Variants in CNTLN observed in about 807,000 individuals in gnomAD.
CNTLN encodes the protein centlein, centrosomal protein.
In CNTLN, 212 loss-of-function variants were observed where a neutral mutation model predicts 180.0. The observed-to-expected ratio is 1.18, with a 90% CI of 1.05 to 1.32. The LOEUF (loss-of-function observed/expected upper bound fraction) is 1.32, where lower values mean the gene tolerates loss of function less well. Among genes scored for constraint, CNTLN ranks in the 40% most tolerant of loss-of-function variants. The pLI is 0.00. For missense variants in CNTLN, 2,095 were observed against 1,610.9 expected, an observed-to-expected ratio of 1.30 and a Z score of -5.14; for synonymous variants, 722 against 563.1, an observed-to-expected ratio of 1.28 and a Z score of -3.99.
At chr9:17,327,549 G>A (rs1820387721) in intron 8 of CNTLN, among the ~76,000 whole-genome samples, 1 of 149,550 alleles carries the variant, frequency 6.7e-6, no homozygotes, top group South Asian at 2.1e-4. Context: ...TAGGAACTTT[G>A]AGGGATGAGA....
At chr9:17,284,095 C>T (rs965137578) in intron 6 of CNTLN, among the ~76,000 whole-genome samples, 3 of 152,122 alleles carry the variant, frequency 2.0e-5, no homozygotes, top group Non-Finnish European at 4.4e-5. Context: ...GACCTTGGCT[C>T]ACTGCAACCT....
At chr9:17,208,533 T>C (rs1022336419) in intron 2 of CNTLN, among the ~76,000 whole-genome samples, 25 of 152,202 alleles carry the variant, frequency 1.6e-4, no homozygotes, top group African/African-American at 5.8e-4. Context: ...CTACTTTAAA[T>C]ATGATTGGTA....
intron 10 of CNTLN, among the ~76,000 whole-genome samples, chr9:17,337,726 C>T (rs1041861228): frequency 6.6e-6 from 1 of 152,106 alleles, no homozygotes; most frequent in Non-Finnish European, 1.5e-5. Context: ...TGAGGCAGTA[C>T]TGAAAAATCC....
intron 10 of CNTLN, among the ~76,000 whole-genome samples, chr9:17,337,068 A>G (rs1821096470): frequency 6.6e-6 from 1 of 152,078 alleles, no homozygotes; most frequent in Non-Finnish European, 1.5e-5. Context: ...AGTGATGATG[A>G]GCTTTTTTTC....
intron 2 of CNTLN, among the ~76,000 whole-genome samples, chr9:17,178,188 A>C (rs112508786): frequency 0.016 from 2,445 of 152,160 alleles, 54 homozygotes; most frequent in African/African-American, 0.056. Context: ...CGGAGTGTCG[A>C]TTGGTGCATT....
At chr9:17,443,746 C>G (rs902823036) in intron 18 of CNTLN, among the ~76,000 whole-genome samples, 2 of 151,928 alleles carry the variant, frequency 1.3e-5, no homozygotes, top group Non-Finnish European at 2.9e-5. Context: ...ATGTCATTAG[C>G]CCAGAGAAAG....
intron 13 of CNTLN, among the ~76,000 whole-genome samples, chr9:17,386,026 G>A (rs2133637441): frequency 6.6e-6 from 1 of 152,050 alleles, no homozygotes; most frequent in East Asian, 1.9e-4. Flanking sequence ...CATACAATAA[G>A]TTGATAACTG....
At chr9:17,194,449 C>T (rs1821991856) in intron 2 of CNTLN, among the ~76,000 whole-genome samples, 1 of 152,210 alleles carries the variant, frequency 6.6e-6, no homozygotes, top group Non-Finnish European at 1.5e-5. Context: ...TTCTACAAAT[C>T]TCTAGGGCAG....
At chr9:17,228,983 T>A (rs1012341241) in intron 3 of CNTLN, among the ~76,000 whole-genome samples, 4 of 152,060 alleles carry the variant, frequency 2.6e-5, no homozygotes, top group Admixed American at 6.6e-5. Flanking sequence ...TAGCAAACTG[T>A]TGGAAGCATG....
At chr9:17,526,866 G>A in the CNTLN span, among the ~76,000 whole-genome samples, 4 of 150,118 alleles carry the variant, frequency 2.7e-5, no homozygotes, top group African/African-American at 7.3e-5. Flanking sequence ...TTTTTGAGGC[G>A]GAGTCTTGCT....
chr9:17,139,234 C>T (rs1817921000), intron 1 of CNTLN, among the ~76,000 whole-genome samples: 1 of 151,804 alleles, frequency 6.6e-6, no homozygotes, highest in Non-Finnish European at 1.5e-5. Flanking sequence ...ATTACAGGTT[C>T]ATGCCACCAC....
At chr9:17,463,661 A>G (rs1831581475) in intron 20 of CNTLN, among the ~76,000 whole-genome samples, 1 of 151,614 alleles carries the variant, frequency 6.6e-6, no homozygotes, top group African/African-American at 2.4e-5. Context: ...AGATAAAAGC[A>G]TTAGACAAAA....
intron 2 of CNTLN, among the ~76,000 whole-genome samples, chr9:17,145,556 C>A (rs913608798): frequency 1.3e-5 from 2 of 152,146 alleles, no homozygotes; most frequent in African/African-American, 4.8e-5. Context: ...GACAGCATTT[C>A]CCCCCTGGAA....
At chr9:17,214,954 C>G (rs898803426) in intron 2 of CNTLN, among the ~76,000 whole-genome samples, 4 of 152,154 alleles carry the variant, frequency 2.6e-5, no homozygotes, top group African/African-American at 9.7e-5. Context: ...AGCCATTTGT[C>G]TAATCTTTTT....
chr9:17,176,952 T>C (rs1820755149), intron 2 of CNTLN, among the ~76,000 whole-genome samples: 1 of 152,208 alleles, frequency 6.6e-6, no homozygotes, highest in Non-Finnish European at 1.5e-5. Context: ...AGATGTGTCT[T>C]TTCCCTATTT....
At chr9:17,217,060 G>C (rs977271970) in intron 2 of CNTLN, among the ~76,000 whole-genome samples, 1 of 152,222 alleles carries the variant, frequency 6.6e-6, no homozygotes, top group Non-Finnish European at 1.5e-5. Context: ...CAAGGTGAGA[G>C]TACTTGCAAT....
chr9:17,365,227 G>A (rs1303942796), intron 12 of CNTLN, among the ~76,000 whole-genome samples: 2 of 152,060 alleles, frequency 1.3e-5, no homozygotes, highest in African/African-American at 2.4e-5. Flanking sequence ...CATAAGATCC[G>A]GTTGTTTAAA....
Position 17,236,437 on chromosome 9 carries a change from A to C in CNTLN, c.698A>C (p.Glu233Ala). Residue 233 changes from glutamate (E) to alanine (A), a missense_variant, in exon 5 of 26, where the codon GAA (glutamate) becomes GCA (alanine). Physicochemically the swap from Glu to Ala is moderately radical, Grantham distance 107. Transcript: ENST00000380647. ...KDTKECVQNK[E>A]EQNRLVIKNL... ...ACTAAGGAGTGTGTACAGAACAAAG[A>C]AGAGCAAAACAGACTAGTTATAAAA... 2.5e-6 allele frequency: 4 copies of C among 1,613,398 alleles called. No homozygotes were observed. The highest frequency in any genetic ancestry group is 1.7e-5 in the Admixed American group (1 of 59,934).
chr9:17,271,801 A>T (rs1305964284), intron 5 of CNTLN, among the ~76,000 whole-genome samples: 1 of 152,136 alleles, frequency 6.6e-6, no homozygotes, highest in East Asian at 1.9e-4. Context: ...GTTATTACTT[A>T]TCAAGCCACC....
Sources: allele counts gnomAD v4.1 joint callset (sites outside exome capture counted in the v4.1 genomes callset), GRCh38; gene constraint gnomAD v4.1.1; transcripts MANE v1.5; gene names NCBI Gene and HGNC (gene_info 2026-07-23, HGNC 2026-07-21).